ST6GALNAC3: variants seen among roughly 807,000 people sequenced by gnomAD.
ST6GALNAC3 encodes the protein ST6 N-acetylgalactosaminide alpha-2,6-sialyltransferase 3.
ST6GALNAC3 carries 25 observed loss-of-function variants against 32.7 expected under a neutral mutation model. The ratio of observed to expected loss-of-function variants is 0.76; its 90% CI spans 0.56 to 1.07. The LOEUF (loss-of-function observed/expected upper bound fraction) is 1.07, where lower values mean the gene tolerates loss of function less well. Ranked by LOEUF, ST6GALNAC3 falls within the 50% of genes least tolerant of loss-of-function variation. ST6GALNAC3 has a pLI of 0.00. For synonymous variants in ST6GALNAC3, 129 were observed against 133.1 expected, an observed-to-expected ratio of 0.97 and a Z score of 0.21; for missense variants, 355 against 382.4, an observed-to-expected ratio of 0.93 and a Z score of 0.60.
chr1:76,183,874 G>A (rs111440048), intron 1 of ST6GALNAC3, among the ~76,000 whole-genome samples: 20,909 of 90,084 alleles, frequency 0.23, 2,379 homozygotes, highest in Non-Finnish European at 0.27. Context: ...ATATATATAT[G>A]TATGTTACTG....
intron 3 of ST6GALNAC3, among the ~76,000 whole-genome samples, chr1:76,618,940 G>C (rs2100695433): frequency 6.6e-6 from 1 of 152,262 alleles, no homozygotes; most frequent in Non-Finnish European, 1.5e-5. Context: ...ATATAATCTA[G>C]CACAGAAAGG....
chr1:76,436,521 A>C (rs1052911732), intron 3 of ST6GALNAC3, among the ~76,000 whole-genome samples: 4 of 152,176 alleles, frequency 2.6e-5, no homozygotes, highest in Admixed American at 2.0e-4. Flanking sequence ...TTTGTGGTGC[A>C]TCAGCCATTA....
At chr1:76,190,978 A>G (rs1653862876) in intron 1 of ST6GALNAC3, among the ~76,000 whole-genome samples, 1 of 152,318 alleles carries the variant, frequency 6.6e-6, no homozygotes, top group Middle Eastern at 3.4e-3. Context: ...CTTGTTAAAA[A>G]TTCAGAGTTG....
intron 3 of ST6GALNAC3, among the ~76,000 whole-genome samples, chr1:76,555,304 C>A (rs550410747): frequency 6.6e-6 from 1 of 152,088 alleles, no homozygotes; most frequent in Non-Finnish European, 1.5e-5. Flanking sequence ...AAAATGTCAA[C>A]AAATGCAAAG....
chr1:76,576,942 G>C lies in ST6GALNAC3; in HGVS notation c.624-50510G>C, dbSNP rs556177204. On this transcript the variant is annotated intron_variant, in intron 3 of 4. Coordinates refer to ENST00000328299, the MANE Select transcript of ST6GALNAC3 (RefSeq NM_152996.4). ...GGAAGGAAGGAATAAAAGAAAGAAA[G>C]AAAGAAACAAACAAACAAACAAACA... 724 of 1,291,852 alleles carry C rather than the reference G, an allele frequency of 5.6e-4. 1 individual carries two copies. Among genetic ancestry groups the C allele is most frequent in the Middle Eastern group, 1.7e-3 (8 of 4,622 alleles). 80.0% of individuals were successfully genotyped at this position (1,291,852 alleles called of 1,614,324 possible). A position where few individuals can be genotyped will look rare whatever the true frequency, so the allele number is the denominator to read the frequency against.
chr1:76,122,176 A>G (rs567113065), intron 1 of ST6GALNAC3, among the ~76,000 whole-genome samples: 34 of 152,248 alleles, frequency 2.2e-4, no homozygotes, highest in African/African-American at 7.5e-4. Context: ...GATAATTTGC[A>G]TTTTCTCAGA....
At chr1:76,182,991 A>G (rs901270199) in intron 1 of ST6GALNAC3, among the ~76,000 whole-genome samples, 10 of 152,118 alleles carry the variant, frequency 6.6e-5, no homozygotes, top group African/African-American at 9.7e-5. Context: ...ATTGGTGTCT[A>G]TGGCTAGACA....
chr1:76,595,492 A>G (rs914489939), intron 3 of ST6GALNAC3, among the ~76,000 whole-genome samples: 6 of 152,126 alleles, frequency 3.9e-5, no homozygotes, highest in Non-Finnish European at 1.5e-5. Flanking sequence ...GATCTCCTGC[A>G]ATGTTTAACT....
chr1:76,330,631 A>G (rs1647172267), intron 2 of ST6GALNAC3, among the ~76,000 whole-genome samples: 1 of 152,228 alleles, frequency 6.6e-6, no homozygotes, highest in African/African-American at 2.4e-5. Flanking sequence ...AATAGCCAAC[A>G]TCTTCTTGCC....
intron 1 of ST6GALNAC3, among the ~76,000 whole-genome samples, chr1:76,244,276 G>A (rs747953096): frequency 5.3e-5 from 8 of 152,084 alleles, no homozygotes; most frequent in Admixed American, 2.6e-4. Context: ...AGGAATGCTC[G>A]TGATTTTTGC....
chr1:76,266,986 G>A (rs1316665987), intron 1 of ST6GALNAC3, among the ~76,000 whole-genome samples: 3 of 152,172 alleles, frequency 2.0e-5, no homozygotes, highest in Non-Finnish European at 4.4e-5. Flanking sequence ...CTGGTAAATG[G>A]AGTGAAAACA....
intron 1 of ST6GALNAC3, among the ~76,000 whole-genome samples, chr1:76,263,908 G>T (rs182554048): frequency 1.0e-3 from 154 of 152,140 alleles, no homozygotes; most frequent in African/African-American, 3.6e-3. Context: ...GTAGGAAGAG[G>T]TTTGAACTAG....
intron 1 of ST6GALNAC3, among the ~76,000 whole-genome samples, chr1:76,269,110 C>A (rs887970200): frequency 6.6e-6 from 1 of 152,174 alleles, no homozygotes; most frequent in African/African-American, 2.4e-5. Flanking sequence ...AAGCCTGGAA[C>A]CAAATTTGCA....
intron 3 of ST6GALNAC3, among the ~76,000 whole-genome samples, chr1:76,600,127 G>A (rs543641287): frequency 3.8e-4 from 57 of 151,668 alleles, no homozygotes; most frequent in African/African-American, 1.3e-3. Flanking sequence ...GGGTCCTCAC[G>A]ATTGGGATTA....
At chr1:76,627,323 A>G (rs1649027525) in intron 3 of ST6GALNAC3, 129 bp from the exon 4 acceptor site, 2 of 637,874 alleles carry the variant, frequency 3.1e-6, no homozygotes, top group South Asian at 3.9e-5. Context: ...CAAGTTTCTC[A>G]ACTCTTTTTC....
In ST6GALNAC3 at chr1:76,546,989, T is replaced by G. The variant is rs544875849; in HGVS notation, c.624-80463T>G. Reference sequence around the variant, plus strand: ...AAGGATTGGATAGCTGTAGTTTAGCTACAGAAAGCTAAGGGAAGAGAAAGG... The same window carrying G: ...AAGGATTGGATAGCTGTAGTTTAGCGACAGAAAGCTAAGGGAAGAGAAAGG... On this transcript the variant is annotated intron_variant, in intron 3 of 4. Transcript: ENST00000328299. 4.6e-5 allele frequency among the ~76,000 whole-genome samples: 7 copies of G among 152,298 alleles called. No individual in the cohort carries two copies. The South Asian group carries it at 1.5e-3, about 32-fold the overall frequency.
intron 2 of ST6GALNAC3, among the ~76,000 whole-genome samples, chr1:76,318,257 C>T (rs895583060): frequency 6.6e-6 from 1 of 152,100 alleles, no homozygotes; most frequent in Non-Finnish European, 1.5e-5. Flanking sequence ...AAATATTCCT[C>T]CCACTGTAAT....
chr1:76,273,684 A>G (rs1026919644), intron 1 of ST6GALNAC3, among the ~76,000 whole-genome samples: 9 of 152,252 alleles, frequency 5.9e-5, no homozygotes, highest in African/African-American at 2.2e-4. Context: ...CCTGGTATTA[A>G]CATAACGTGG....
At chr1:76,357,131 T>TTTTC (rs1553184104) in intron 2 of ST6GALNAC3, among the ~76,000 whole-genome samples, 5 of 3,206 alleles carry the variant, frequency 1.6e-3, no homozygotes, top group South Asian at 0.016. Context: ...TTTCTTTTTC[T>TTTTC]TTTTTTTTTT....
Sources: gnomAD v4.1 joint callset for allele counts (sites outside exome capture counted in the v4.1 genomes callset) on GRCh38, gnomAD v4.1.1 for gene constraint, MANE v1.5 for transcripts, NCBI Gene and HGNC (gene_info 2026-07-23, HGNC 2026-07-21) for gene names.